The following SLC25A13 variants were observed in gnomAD, a reference collection of about 807,000 sequenced individuals.
SLC25A13 encodes solute carrier family 25 member 13.
A neutral mutation model predicts 85.5 loss-of-function variants in SLC25A13; 70 were observed. The ratio of observed to expected loss-of-function variants is 0.82; its 90% CI spans 0.68 to 1.00. SLC25A13 has a LOEUF of 1.00. SLC25A13 is among the 50% of genes least tolerant of loss of function. SLC25A13 has a pLI of 0.00. For synonymous variants in SLC25A13, 259 were observed against 288.7 expected, an observed-to-expected ratio of 0.90 and a Z score of 1.04; for missense variants, 765 against 819.8, an observed-to-expected ratio of 0.93 and a Z score of 0.82.
intron 14 of SLC25A13, 87 bp from the exon 15 acceptor site, chr7:96,131,968 A>T: frequency 6.3e-7 from 1 of 1,586,170 alleles, no homozygotes; most frequent in Non-Finnish European, 8.6e-7. Context: ...CTCAGAACAA[A>T]ATATTCCTGG....
chr7:96,171,545 GA>G (rs1400716577), intron 11 of SLC25A13, 21 bp from the exon 12 acceptor site: 5 of 1,598,714 alleles, frequency 3.1e-6, no homozygotes, highest in Non-Finnish European at 4.3e-6. Context: ...ACAAAAAGTA[GA>G]AGTATATTAA....
chr7:96,121,777 T>C (rs751662263), intron 16 of SLC25A13, 32 bp from the exon 17 acceptor site: 1 of 1,613,582 alleles, frequency 6.2e-7, no homozygotes, highest in South Asian at 1.1e-5. Context: ...ACAGATATAA[T>C]TAGATATTTT....
Position 96,321,989 on chromosome 7 carries a change from C to T in SLC25A13, c.-33G>A. 6.5e-7 allele frequency: 1 copy of T among 1,536,498 alleles called. No individual in the cohort carries two copies. The highest frequency in any genetic ancestry group is 8.8e-7 in the Non-Finnish European group (1 of 1,142,208). The stretch of plus-strand genomic sequence containing the variant: ...CCCGGTTGCGGGCGACTGCGGGACC[C>T]ACTGACTGGCTGGCTGGCGTTTGGG... On this transcript the variant is annotated 5_prime_UTR_variant, in exon 1 of 18. Coordinates refer to ENST00000265631, the MANE Select transcript of SLC25A13 (RefSeq NM_014251.3).
At chr7:96,296,877 A>T in intron 2 of SLC25A13, 21 bp downstream of exon 2, 1 of 1,605,882 alleles carries the variant, frequency 6.2e-7, no homozygotes, top group South Asian at 1.1e-5. Context: ...CAAGAAACAA[A>T]ATAGATTCCT....
At chr7:96,149,814 T>C (rs1438927073) in intron 13 of SLC25A13, among the ~76,000 whole-genome samples, 1 of 152,244 alleles carries the variant, frequency 6.6e-6, no homozygotes, top group Non-Finnish European at 1.5e-5. Context: ...ATTCCTGGTC[T>C]ATTATGCATT....
intron 14 of SLC25A13, among the ~76,000 whole-genome samples, chr7:96,142,473 G>GT (rs1331395448): frequency 6.6e-6 from 1 of 152,144 alleles, no homozygotes; most frequent in Non-Finnish European, 1.5e-5. Context: ...TCCATTGTGT[G>GT]TAGTTTCCAC....
At chr7:96,306,635 T>C (rs747814643) in intron 1 of SLC25A13, among the ~76,000 whole-genome samples, 2 of 152,226 alleles carry the variant, frequency 1.3e-5, no homozygotes, top group Non-Finnish European at 2.9e-5. Flanking sequence ...TGGAGACTGA[T>C]TGCCTTTTGA....
intron 3 of SLC25A13, among the ~76,000 whole-genome samples, chr7:96,268,331 G>A (rs907259492): frequency 2.0e-5 from 3 of 152,188 alleles, no homozygotes; most frequent in African/African-American, 7.2e-5. Context: ...ATACTTAGAA[G>A]ATATACAAAG....
chr7:96,219,994 A>G (rs886264734), intron 4 of SLC25A13, among the ~76,000 whole-genome samples: 3 of 152,242 alleles, frequency 2.0e-5, no homozygotes, highest in African/African-American at 7.2e-5. Flanking sequence ...ATAAATCATT[A>G]TTAGCCTTTC....
chr7:96,192,915 T>TG (rs1794913253), intron 6 of SLC25A13, 122 bp downstream of exon 6: 1 of 1,088,162 alleles, frequency 9.2e-7, no homozygotes, highest in Admixed American at 1.9e-5. Flanking sequence ...GTAATGTATG[T>TG]GATCACATTA....
intron 5 of SLC25A13, among the ~76,000 whole-genome samples, chr7:96,203,870 G>T (rs1795358377): frequency 6.6e-6 from 1 of 152,182 alleles, no homozygotes; most frequent in Non-Finnish European, 1.5e-5. Context: ...GTTTAGCAAT[G>T]CATGACTGGG....
intron 4 of SLC25A13, among the ~76,000 whole-genome samples, chr7:96,229,359 T>C (rs974819550): frequency 3.9e-5 from 6 of 152,042 alleles, no homozygotes; most frequent in Middle Eastern, 3.4e-3. Context: ...CAATCAGCAC[T>C]CTGTCAAAAT....
intron 11 of SLC25A13, among the ~76,000 whole-genome samples, chr7:96,178,619 C>T (rs1432651284): frequency 6.6e-6 from 1 of 152,190 alleles, no homozygotes; most frequent in East Asian, 1.9e-4. Context: ...AACCAGAACA[C>T]TTGTCCCTAT....
intron 10 of SLC25A13, chr7:96,184,697 G>A: frequency 1.6e-6 from 1 of 627,382 alleles, no homozygotes; most frequent in South Asian, 2.0e-5. Flanking sequence ...ACCTGTCTTT[G>A]GAAGGCCTGA....
chr7:96,254,217 G>A (rs1396942322), intron 3 of SLC25A13, among the ~76,000 whole-genome samples: 2 of 152,124 alleles, frequency 1.3e-5, no homozygotes, highest in African/African-American at 4.8e-5. Context: ...AAAGCAGATT[G>A]CCCTCCCAAT....
intron 3 of SLC25A13, among the ~76,000 whole-genome samples, chr7:96,244,971 T>C (rs539694329): frequency 3.3e-4 from 50 of 152,226 alleles, no homozygotes; most frequent in African/African-American, 1.2e-3. Context: ...TATATATATA[T>C]ATAGGCTCTC....
intron 4 of SLC25A13, among the ~76,000 whole-genome samples, chr7:96,222,997 A>G (rs774348738): frequency 7.2e-5 from 11 of 152,142 alleles, no homozygotes; most frequent in Non-Finnish European, 1.6e-4. Flanking sequence ...TACTAGTTCA[A>G]CTGCCCCTCT....
chr7:96,241,142 C>T lies in SLC25A13; in HGVS notation c.213-6225G>A, dbSNP rs368870699. ...CCAAGGGCTGGGAGTGCAGCATCTC[C>T]GGAGAACAATTTGACAACACAGCAA... On this transcript the variant is annotated intron_variant, in intron 3 of 17. Coordinates refer to ENST00000265631, the MANE Select transcript of SLC25A13 (RefSeq NM_014251.3). 1.1e-4 allele frequency among the ~76,000 whole-genome samples: 17 copies of T among 151,708 alleles called. No individual in the cohort carries two copies. The South Asian group carries it at 3.1e-3, about 28-fold the overall frequency.
chr7:96,294,941 A>C (rs1350053988), intron 2 of SLC25A13, among the ~76,000 whole-genome samples: 2 of 152,112 alleles, frequency 1.3e-5, no homozygotes, highest in Non-Finnish European at 2.9e-5. Flanking sequence ...TTTCTCCTTT[A>C]CTTAAATCAT....
Sources: allele counts gnomAD v4.1 joint callset (sites outside exome capture counted in the v4.1 genomes callset), GRCh38; gene constraint gnomAD v4.1.1; transcripts MANE v1.5; gene names NCBI Gene and HGNC (gene_info 2026-07-23, HGNC 2026-07-21).